STIM2: variants seen among roughly 807,000 people sequenced by gnomAD.
STIM2 encodes the protein stromal interaction molecule 2.
In STIM2, 31 loss-of-function variants were observed where a neutral mutation model predicts 85.8. The ratio of observed to expected loss-of-function variants is 0.36; its 90% CI spans 0.27 to 0.49. STIM2 has a LOEUF of 0.49. STIM2 is among the 20% of genes least tolerant of loss of function. The probability of loss-of-function intolerance (pLI) is 0.98; values close to 1 mark genes in which losing one functional copy is unlikely to be tolerated. For missense variants in STIM2, 841 were observed against 927.6 expected, an observed-to-expected ratio of 0.91 and a Z score of 1.21; for synonymous variants, 356 against 331.1, an observed-to-expected ratio of 1.08 and a Z score of -0.82.
intron 3 of STIM2, among the ~76,000 whole-genome samples, chr4:26,978,323 A>ATT (rs1025564231): frequency 6.7e-6 from 1 of 148,522 alleles, no homozygotes; most frequent in African/African-American, 2.4e-5. Flanking sequence ...ATGAATATAT[A>ATT]TTATATATAT....
intron 2 of STIM2, among the ~76,000 whole-genome samples, chr4:26,944,470 A>G (rs535173660): frequency 6.6e-6 from 1 of 152,024 alleles, no homozygotes; most frequent in Admixed American, 6.6e-5. Flanking sequence ...GTCTTGCTCT[A>G]TTCCCACCAT....
At chr4:26,927,965 C>T (rs1464718067) in intron 2 of STIM2, among the ~76,000 whole-genome samples, 2 of 150,828 alleles carry the variant, frequency 1.3e-5, no homozygotes, top group African/African-American at 4.9e-5. Flanking sequence ...CTATAATGAA[C>T]AGAAATTTAT....
chr4:27,002,069 A>G, intron 5 of STIM2, 148 bp from the exon 6 acceptor site: 2 of 652,422 alleles, frequency 3.1e-6, no homozygotes, highest in Non-Finnish European at 4.9e-6. Context: ...TTATTTGAAG[A>G]AAGAATTTTA....
chr4:26,994,759 T>C (rs891829737), intron 3 of STIM2, among the ~76,000 whole-genome samples: 2 of 152,084 alleles, frequency 1.3e-5, no homozygotes, highest in African/African-American at 2.4e-5. Flanking sequence ...TTCCTCTCTT[T>C]GGGATATTTT....
chr4:26,945,133 T>G (rs1725769426), intron 2 of STIM2, among the ~76,000 whole-genome samples: 1 of 152,162 alleles, frequency 6.6e-6, no homozygotes, highest in Non-Finnish European at 1.5e-5. Flanking sequence ...TGTGTGTTGT[T>G]CCCCTCCATG....
intron 3 of STIM2, among the ~76,000 whole-genome samples, chr4:26,989,054 C>A (rs955150720): frequency 2.6e-5 from 4 of 152,130 alleles, no homozygotes; most frequent in African/African-American, 4.8e-5. Context: ...CCTGCCTCAG[C>A]CTCCGGAATA....
intron 1 of STIM2, among the ~76,000 whole-genome samples, chr4:26,878,183 G>C (rs1458044780): frequency 6.6e-6 from 1 of 152,188 alleles, no homozygotes; most frequent in Non-Finnish European, 1.5e-5. Flanking sequence ...TGCTAGGTTT[G>C]TGATGGGGGT....
At chr4:26,942,517 T>C (rs1725649617) in intron 2 of STIM2, among the ~76,000 whole-genome samples, 1 of 152,184 alleles carries the variant, frequency 6.6e-6, no homozygotes, top group Non-Finnish European at 1.5e-5. Flanking sequence ...TGTTTTTTCT[T>C]GAGCTCACTT....
At position 26,894,965 on chromosome 4, in the gene STIM2, A is replaced by G. The variant is rs372063284; in HGVS notation, c.152-24539A>G. On this transcript the variant is annotated intron_variant, in intron 1 of 11. Coordinates refer to ENST00000467087, the MANE Select transcript of STIM2 (RefSeq NM_020860.4). ...GGTGGCTCACATCTGTAATGCCAGC[A>G]CTTTGGAAGGCCAAGGTGGGTGGAT... 5.3e-5 allele frequency among the ~76,000 whole-genome samples: 8 copies of G among 152,266 alleles called. No homozygotes were observed. The South Asian group carries it at 1.4e-3, about 28-fold the overall frequency.
Position 26,861,159 on chromosome 4 carries a change from C to A in STIM2, c.-60C>A. 3 of 1,338,350 alleles carry A rather than the reference C, an allele frequency of 2.2e-6. No individual in the cohort carries two copies. Among genetic ancestry groups the A allele is most frequent in the South Asian group, 1.9e-5 (1 of 51,816 alleles). 82.9% of individuals were successfully genotyped at this position (1,338,350 alleles called of 1,614,324 possible). ...CCCGGCTTCTCCTCGGCGCCTTCAT[C>A]CCGCCTCGACTCCTGGCCCAGCGTG... is the stretch of plus-strand genomic sequence containing the variant. On this transcript the variant is annotated 5_prime_UTR_variant, in exon 1 of 12. Transcript: ENST00000467087.
chr4:27,003,246 T>C, intron 7 of STIM2, 142 bp downstream of exon 7: 1 of 754,790 alleles, frequency 1.3e-6, no homozygotes, highest in Non-Finnish European at 2.0e-6. Flanking sequence ...TTTATGTTGT[T>C]AGCATTGATC....
chr4:26,864,371 A>G (rs1302716875), intron 1 of STIM2, among the ~76,000 whole-genome samples: 1 of 152,120 alleles, frequency 6.6e-6, no homozygotes, highest in African/African-American at 2.4e-5. Flanking sequence ...AACTCAAAAC[A>G]ATAGTTTTTT....
chr4:26,890,481 C>G (rs961895806), intron 1 of STIM2, among the ~76,000 whole-genome samples: 4 of 152,080 alleles, frequency 2.6e-5, no homozygotes, highest in Non-Finnish European at 1.5e-5. Flanking sequence ...CTCCTTGGCA[C>G]ATTGTTCAGC....
chr4:26,888,070 A>G (rs1298775152), intron 1 of STIM2, among the ~76,000 whole-genome samples: 1 of 152,244 alleles, frequency 6.6e-6, no homozygotes, highest in Admixed American at 6.5e-5. Flanking sequence ...CTTTGCTTAA[A>G]GTCAACTGAT....
intron 2 of STIM2, among the ~76,000 whole-genome samples, chr4:26,944,491 T>C (rs537170274): frequency 2.0e-4 from 30 of 152,256 alleles, no homozygotes; most frequent in Admixed American, 1.6e-3. Flanking sequence ...TGGTCCATAA[T>C]AGATACTCAG....
chr4:26,965,479 C>A (rs1726681627), intron 3 of STIM2, among the ~76,000 whole-genome samples: 1 of 152,026 alleles, frequency 6.6e-6, no homozygotes, highest in African/African-American at 2.4e-5. Flanking sequence ...AAATAACTTT[C>A]TTTTATAAAA....
At chr4:26,881,200 T>C (rs1577412653) in intron 1 of STIM2, among the ~76,000 whole-genome samples, 1 of 152,280 alleles carries the variant, frequency 6.6e-6, no homozygotes, top group East Asian at 1.9e-4. Context: ...GCGCGGTAGC[T>C]CATGCTGGTA....
chr4:26,909,116 T>C (rs1009923589), intron 1 of STIM2, among the ~76,000 whole-genome samples: 1 of 152,186 alleles, frequency 6.6e-6, no homozygotes, highest in African/African-American at 2.4e-5. Context: ...ACTGTTAAGG[T>C]AACAGTAATA....
At chr4:26,935,035 A>G (rs149948515) in intron 2 of STIM2, among the ~76,000 whole-genome samples, 1 of 152,260 alleles carries the variant, frequency 6.6e-6, no homozygotes, top group East Asian at 1.9e-4. Flanking sequence ...AGACATGATT[A>G]AACTTTTTAA....
Sources: gnomAD v4.1 joint callset for allele counts (sites outside exome capture counted in the v4.1 genomes callset) on GRCh38, gnomAD v4.1.1 for gene constraint, MANE v1.5 for transcripts, NCBI Gene and HGNC (gene_info 2026-07-23, HGNC 2026-07-21) for gene names.